The following RNF13 variants were observed in gnomAD, a reference collection of about 807,000 sequenced individuals.
RNF13 encodes the protein E3 ubiquitin-protein ligase RNF13.
Under a neutral mutation model 37.7 loss-of-function variants are expected in RNF13, and 19 were observed. The observed-to-expected ratio is 0.50, with a 90% CI of 0.35 to 0.74. The LOEUF (loss-of-function observed/expected upper bound fraction) is 0.74, where lower values mean the gene tolerates loss of function less well. Among genes scored for constraint, RNF13 ranks in the 30% least tolerant of loss-of-function variants. RNF13 has a pLI of 0.01. For missense variants in RNF13, 375 were observed against 453.0 expected (o/e 0.83, Z 1.56); for synonymous variants, 144 against 157.8 (o/e 0.91, Z 0.65).
At chr3:149,888,643 G>A (rs1714309821) in intron 4 of RNF13, among the ~76,000 whole-genome samples, 2 of 152,310 alleles carry the variant, frequency 1.3e-5, no homozygotes, top group South Asian at 4.1e-4. Flanking sequence ...CTAGTTCTAA[G>A]TATGTATCAT....
At chr3:149,887,493 G>T (rs1436281561) in intron 4 of RNF13, among the ~76,000 whole-genome samples, 2 of 152,086 alleles carry the variant, frequency 1.3e-5, no homozygotes. Context: ...TAGAGATGGG[G>T]TCTCTTTACA....
intron 1 of RNF13, among the ~76,000 whole-genome samples, chr3:149,839,745 A>G (rs1434722785): frequency 6.6e-6 from 1 of 152,138 alleles, no homozygotes; most frequent in Non-Finnish European, 1.5e-5. Context: ...CCATAATACT[A>G]TCATCATAGC....
At chr3:149,818,631 G>A (rs978431892) in intron 1 of RNF13, among the ~76,000 whole-genome samples, 1 of 152,130 alleles carries the variant, frequency 6.6e-6, no homozygotes, top group African/African-American at 2.4e-5. Flanking sequence ...AAGAGAATCC[G>A]GCTGGGCACT....
At chr3:149,836,177 T>C (rs532129476) in intron 1 of RNF13, among the ~76,000 whole-genome samples, 137 of 152,314 alleles carry the variant, frequency 9.0e-4, no homozygotes, top group South Asian at 4.8e-3. Context: ...TTGTTGGCTA[T>C]TTGTGTATCT....
At chr3:149,831,729 G>A (rs2108339664) in intron 1 of RNF13, among the ~76,000 whole-genome samples, 1 of 152,260 alleles carries the variant, frequency 6.6e-6, no homozygotes, top group Admixed American at 6.5e-5. Flanking sequence ...GAGGACATGA[G>A]ATTTGGGAGG....
At chr3:149,879,822 T>C (rs1222485041) in intron 4 of RNF13, among the ~76,000 whole-genome samples, 1 of 152,238 alleles carries the variant, frequency 6.6e-6, no homozygotes, top group Non-Finnish European at 1.5e-5. Flanking sequence ...AAAGTCTCTT[T>C]GTAAGGCCAG....
intron 3 of RNF13, among the ~76,000 whole-genome samples, chr3:149,868,977 T>TA (rs1711667926): frequency 6.6e-6 from 1 of 151,794 alleles, no homozygotes; most frequent in Admixed American, 6.6e-5. Flanking sequence ...CAATAATTCT[T>TA]AGAGTTAGTC....
chr3:149,858,296 G>A (rs1723868180), intron 3 of RNF13, among the ~76,000 whole-genome samples: 1 of 152,134 alleles, frequency 6.6e-6, no homozygotes, highest in African/African-American at 2.4e-5. Context: ...TTTACATGTG[G>A]ATTTGTAATG....
chr3:149,929,880 T>G (rs1718998298), intron 8 of RNF13, among the ~76,000 whole-genome samples: 1 of 152,154 alleles, frequency 6.6e-6, no homozygotes, highest in African/African-American at 2.4e-5. Context: ...TTCTGTCCCA[T>G]TTATCTATTC....
At chr3:149,893,144 A>C (rs1033163509) in intron 4 of RNF13, among the ~76,000 whole-genome samples, 1 of 152,196 alleles carries the variant, frequency 6.6e-6, no homozygotes, top group African/African-American at 2.4e-5. Flanking sequence ...GTATGGATAC[A>C]GTTATCTTAC....
At chr3:149,813,122 G>C (rs904596825), upstream of RNF13, 1 of 152,300 alleles carries the variant, frequency 6.6e-6, no homozygotes, top group Non-Finnish European at 1.5e-5. Context: ...GTGAGAGTGG[G>C]AAAGAGCCTT....
intron 5 of RNF13, among the ~76,000 whole-genome samples, chr3:149,896,110 A>G (rs1469804248): frequency 6.6e-6 from 1 of 152,206 alleles, no homozygotes; most frequent in Non-Finnish European, 1.5e-5. Flanking sequence ...ACTGGCTGTA[A>G]TAAGACACTG....
At chr3:149,960,681 T>G in intron 9 of RNF13, 59 bp from the exon 10 acceptor site, 1 of 1,488,870 alleles carries the variant, frequency 6.7e-7, no homozygotes, top group Non-Finnish European at 9.1e-7. Flanking sequence ...GGCAAGAGAT[T>G]AAATATAAAA....
rs979589250 is a variant in RNF13 at position 149,938,240 on chromosome 3, C to T, written c.700+17013C>T. 1.1e-4 allele frequency among the ~76,000 whole-genome samples: 17 copies of T among 151,838 alleles called. No individual in the cohort carries two copies. The South Asian group carries it at 1.5e-3, about 13-fold the overall frequency. On this transcript the variant is annotated intron_variant, in intron 8 of 9. Transcript: ENST00000392894. ...TTGCCCAGGCTGGAGTGCAGTGGTGCGATCTCAGCTCACTGCAGCCTCTGC... is the reference window on the plus strand; with the variant it reads ...TTGCCCAGGCTGGAGTGCAGTGGTGTGATCTCAGCTCACTGCAGCCTCTGC...
chr3:149,906,679 A>G (rs1186733614), intron 6 of RNF13, among the ~76,000 whole-genome samples: 1 of 141,652 alleles, frequency 7.1e-6, no homozygotes, highest in Non-Finnish European at 1.5e-5. Context: ...TAATTTAGAA[A>G]GGGTCTCACT....
At chr3:149,952,267 G>A (rs940649698) in intron 8 of RNF13, among the ~76,000 whole-genome samples, 3 of 152,034 alleles carry the variant, frequency 2.0e-5, no homozygotes, top group Non-Finnish European at 4.4e-5. Flanking sequence ...CTATTTAGAA[G>A]GAAATTTTAT....
At chr3:149,827,396 GTATATATAAAC>G (rs1226425452) in intron 1 of RNF13, among the ~76,000 whole-genome samples, 1 of 152,042 alleles carries the variant, frequency 6.6e-6, no homozygotes, top group Non-Finnish European at 1.5e-5. Flanking sequence ...GAGGATGACT[GTATATATAAAC>G]TATATATAAA....
intron 4 of RNF13, 108 bp downstream of exon 4, chr3:149,872,262 A>T: frequency 1.3e-6 from 1 of 743,240 alleles, no homozygotes; most frequent in Non-Finnish European, 2.1e-6. Flanking sequence ...AAAATCCAGT[A>T]AGATTGAAAA....
chr3:149,943,277 T>C (rs1208455813), intron 8 of RNF13, among the ~76,000 whole-genome samples: 1 of 151,918 alleles, frequency 6.6e-6, no homozygotes, highest in African/African-American at 2.4e-5. Context: ...CACAGCAAAA[T>C]TGAGTAGAAT....
Sources: gnomAD v4.1 joint callset for allele counts (sites outside exome capture counted in the v4.1 genomes callset) on GRCh38, gnomAD v4.1.1 for gene constraint, MANE v1.5 for transcripts, NCBI Gene and HGNC (gene_info 2026-07-23, HGNC 2026-07-21) for gene names.